CEBPZ: variants seen among roughly 807,000 people sequenced by gnomAD.
The protein encoded by CEBPZ is CCAAT enhancer binding protein zeta.
Under a neutral mutation model 104.5 loss-of-function variants are expected in CEBPZ, and 78 were observed. The observed-to-expected ratio is 0.75, with a 90% CI of 0.62 to 0.90. The LOEUF (loss-of-function observed/expected upper bound fraction) is 0.90. Among genes scored for constraint, CEBPZ ranks in the 40% least tolerant of loss-of-function variants. CEBPZ has a pLI of 0.00. For missense variants in CEBPZ, 1,439 were observed against 1,233.5 expected, an observed-to-expected ratio of 1.17 and a Z score of -2.50; for synonymous variants, 470 against 427.0, an observed-to-expected ratio of 1.10 and a Z score of -1.24.
intron 10 of CEBPZ, chr2:37,212,643 A>T: frequency 5.9e-6 from 3 of 504,948 alleles, no homozygotes; most frequent in Non-Finnish European, 7.0e-6. Flanking sequence ...TCTTTTATGG[A>T]AAGAGGATAA....
In CEBPZ at chr2:37,214,908, C is replaced by T; in HGVS notation, c.2425G>A (p.Val809Met). 1.2e-6 allele frequency: 2 copies of T among 1,610,690 alleles called. No homozygotes were observed. Among genetic ancestry groups the T allele is most frequent in the Non-Finnish European group, 8.5e-7 (1 of 1,177,130 alleles). The change falls in exon 9 of 16, where the codon GTG becomes ATG. Residue 809 changes from valine (V) to methionine (M), a missense_variant. Physicochemically the swap from Val to Met is conservative, Grantham distance 21 (BLOSUM62 1). Coordinates refer to ENST00000234170, the MANE Select transcript of CEBPZ (RefSeq NM_005760.3). ...FLAKEESQIP[V>M]DEVFFHRYYK... ...TACCTGTGGAAAAACACTTCATCCA[C>T]TGGTATTTGGCTTTCTTCTTTTGCA...
intron 13 of CEBPZ, among the ~76,000 whole-genome samples, chr2:37,208,320 C>T (rs1026338122): frequency 3.3e-5 from 5 of 151,988 alleles, no homozygotes; most frequent in African/African-American, 1.2e-4. Flanking sequence ...GCCCTAATTC[C>T]AAAATCAGGA....
intron 13 of CEBPZ, among the ~76,000 whole-genome samples, chr2:37,206,634 G>A (rs764782275): frequency 6.6e-6 from 1 of 152,184 alleles, no homozygotes; most frequent in Non-Finnish European, 1.5e-5. Flanking sequence ...GGGATTACAG[G>A]TGTGAGCCAC....
chr2:37,211,852 T>A lies in CEBPZ; in HGVS notation c.2791A>T (p.Ser931Cys), dbSNP rs1221273556. The change falls in exon 12 of 16, where the codon AGC (serine) becomes TGC (cysteine). Residue 931 changes from serine (S) to cysteine (C), a missense_variant. Coordinates refer to ENST00000234170, the MANE Select transcript of CEBPZ (RefSeq NM_005760.3). ...TTTAAAAAATGCTTACCTGGAACGC[T>A]CTCACTTTCATCATCTAACACATCC... ...FMDVLDDESE[S>C]VPELEVHSKV... 2.5e-6 allele frequency: 4 copies of A among 1,598,978 alleles called. No individual in the cohort carries two copies. The highest frequency in any genetic ancestry group is 3.4e-6 in the Non-Finnish European group (4 of 1,174,548).
At position 37,228,718 on chromosome 2, in the gene CEBPZ, C is replaced by A. The variant is rs773378363; in HGVS notation, c.475G>T (p.Val159Leu). ...SDENGSTTPK[V>L]KKDKQNIFEF... ...AAGATGTTCTGTTTATCTTTCTTTA[C>A]TTTCGGTGTGGTACTGCCATTCTCA... is the stretch of plus-strand genomic sequence containing the variant. The change falls in exon 2 of 16, where the codon GTA becomes TTA. Residue 159 changes from valine to leucine, a missense_variant. Physicochemically the swap from Val to Leu is conservative, Grantham distance 32 (BLOSUM62 1). Coordinates refer to ENST00000234170, the MANE Select transcript of CEBPZ (RefSeq NM_005760.3). 1 of 1,614,176 alleles carries A rather than the reference C, an allele frequency of 6.2e-7. No homozygotes were observed. The highest frequency in any genetic ancestry group is 1.7e-5 in the Admixed American group (1 of 60,032).
In CEBPZ at chr2:37,231,436, T is replaced by C. The variant is rs1417986704; in HGVS notation, c.132A>G (p.Glu44=). 6.2e-7 allele frequency: 1 copy of C among 1,614,126 alleles called. No homozygotes were observed. Among genetic ancestry groups the C allele is most frequent in the South Asian group, 1.1e-5 (1 of 91,082 alleles). ...CCTTGGTGCCTCCGAGCCGTAACACTTCCTCCAGGGAGAACCCATTCTCGG... is the reference window on the plus strand; with the variant it reads ...CCTTGGTGCCTCCGAGCCGTAACACCTCCTCCAGGGAGAACCCATTCTCGG... ...SEAENGFSLE[E]VLRLGGTKQD... is the part of the protein sequence containing the mutation. The change falls in exon 1 of 16, where the codon GAA becomes GAG. Residue 44 remains glutamate, a synonymous_variant. Coordinates refer to ENST00000234170, the MANE Select transcript of CEBPZ (RefSeq NM_005760.3).
chr2:37,222,709 T>C (rs932081396), intron 3 of CEBPZ, 146 bp from the exon 4 acceptor site: 8 of 570,320 alleles, frequency 1.4e-5, no homozygotes, highest in South Asian at 2.7e-5. Flanking sequence ...TGGCTATCAA[T>C]GGTATTTAAA....
At position 37,228,764 on chromosome 2, in the gene CEBPZ, A is replaced by G. The variant is rs781722147; in HGVS notation, c.429T>C (p.Asn143=). ...RTSVNKVKNK[N]RPEPHSDENG... is the part of the protein sequence containing the mutation. ...TCTCATCAGAATGTGGTTCTGGCCT[A>G]TTCTTATTTTTCACCTTATTAACTG... Residue 143 remains asparagine, a synonymous_variant, in exon 2 of 16, where the codon AAT becomes AAC. Transcript: ENST00000234170. The G allele has an allele frequency of 3.1e-6, 5 of 1,613,988 alleles. No individual in the cohort carries two copies. The highest frequency in any genetic ancestry group is 1.7e-5 in the Admixed American group (1 of 60,016).
At chr2:37,222,355 G>C in intron 4 of CEBPZ, 25 bp downstream of exon 4, 1 of 1,532,732 alleles carries the variant, frequency 6.5e-7, no homozygotes, top group South Asian at 1.3e-5. Flanking sequence ...AAACTCCCTA[G>C]AGAATAAAGA....
chr2:37,213,094 C>T (rs995360677), intron 10 of CEBPZ, among the ~76,000 whole-genome samples: 5 of 152,010 alleles, frequency 3.3e-5, no homozygotes, highest in East Asian at 1.9e-4. Context: ...AAATATGTAA[C>T]GTGAAATCAG....
At chr2:37,203,418 T>C (rs966143774) in intron 13 of CEBPZ, 2 of 153,022 alleles carry the variant, frequency 1.3e-5, no homozygotes, top group African/African-American at 4.8e-5. Context: ...ATGTTTATTA[T>C]GCTATAAATG....
chr2:37,220,551 A>G, intron 4 of CEBPZ, 78 bp from the exon 5 acceptor site: 1 of 666,704 alleles, frequency 1.5e-6, no homozygotes, highest in Admixed American at 3.0e-5. Context: ...ACCACCATTA[A>G]TATTCTCAAC....
chr2:37,231,357 C>T, intron 1 of CEBPZ, 55 bp downstream of exon 1: 4 of 1,607,924 alleles, frequency 2.5e-6, no homozygotes, highest in Non-Finnish European at 3.4e-6. Flanking sequence ...GTCAGCCTAG[C>T]CACCTTCGGA....
At chr2:37,219,715 A>G (rs1274813300) in intron 5 of CEBPZ, among the ~76,000 whole-genome samples, 2 of 152,232 alleles carry the variant, frequency 1.3e-5, no homozygotes, top group Non-Finnish European at 2.9e-5. Context: ...AAAAATATGA[A>G]TTCCTCTTAC....
chr2:37,231,389 T>C (rs1014418436), intron 1 of CEBPZ, 23 bp downstream of exon 1: 13 of 1,613,260 alleles, frequency 8.1e-6, no homozygotes, highest in Non-Finnish European at 1.1e-5. Context: ...CTGATCCCGT[T>C]CCCCGGAGCC....
In CEBPZ at chr2:37,202,786, G is replaced by A; in HGVS notation, c.3023C>T (p.Ala1008Val). 6.4e-7 allele frequency: 1 copy of A among 1,551,434 alleles called. No homozygotes were observed. The change falls in exon 15 of 16, where the codon GCA becomes GTA. Residue 1008 changes from alanine (A) to valine (V), a missense_variant and splice_region_variant. Coordinates refer to ENST00000234170, the MANE Select transcript of CEBPZ (RefSeq NM_005760.3). ...ATAAAAAAATTTAAGTTACTTACTT[G>A]CATTATCTTTGTTAGCCATGGCATT... ...GMNAMANKDN[A>V]SLKQLRWEAE...
intron 15 of CEBPZ, 42 bp downstream of exon 15, chr2:37,202,742 A>T: frequency 8.3e-7 from 1 of 1,207,994 alleles, no homozygotes. Context: ...TCCAAGCCAA[A>T]GCTATTTTTA....
intron 11 of CEBPZ, 124 bp from the exon 12 acceptor site, chr2:37,212,163 A>C: frequency 1.0e-6 from 1 of 996,108 alleles, no homozygotes; most frequent in Non-Finnish European, 1.5e-6. Context: ...GACTGCTCAG[A>C]GTAAATAATA....
chr2:37,210,766 AAAT>A, intron 13 of CEBPZ: 3 of 425,350 alleles, frequency 7.1e-6, no homozygotes, highest in East Asian at 4.2e-5. Context: ...AAAACAACTG[AAAT>A]AATGATAACA....
Sources: gnomAD v4.1 joint callset for allele counts (sites outside exome capture counted in the v4.1 genomes callset) on GRCh38, gnomAD v4.1.1 for gene constraint, MANE v1.5 for transcripts, NCBI Gene and HGNC (gene_info 2026-07-23, HGNC 2026-07-21) for gene names.